Variants in NAV2 observed in about 807,000 individuals in gnomAD.
NAV2 encodes neuron navigator 2.
NAV2 carries 54 observed loss-of-function variants against 223.2 expected under a neutral mutation model. That is an observed-to-expected ratio of 0.24 (90% CI 0.19 to 0.30). NAV2 has a LOEUF of 0.30. Ranked by LOEUF, NAV2 falls within the 10% of genes least tolerant of loss-of-function variation. NAV2 has a pLI of 1.00. For synonymous variants in NAV2, 1,279 were observed against 1,239.3 expected (o/e 1.03, Z -0.67); for missense variants, 2,806 against 3,147.5 (o/e 0.89, Z 2.60).
intron 1 of NAV2, among the ~76,000 whole-genome samples, chr11:19,432,169 G>T (rs1369730185): frequency 1.4e-5 from 2 of 146,632 alleles, no homozygotes; most frequent in African/African-American, 5.1e-5. Context: ...CTGCACTCCA[G>T]CCTGGGCAAC....
At chr11:19,873,941 A>C (rs1565472510) in intron 4 of NAV2, among the ~76,000 whole-genome samples, 1 of 152,228 alleles carries the variant, frequency 6.6e-6, no homozygotes, top group Non-Finnish European at 1.5e-5. Flanking sequence ...CAGAATCCAC[A>C]GTCCTTAATC....
intron 1 of NAV2, among the ~76,000 whole-genome samples, chr11:19,766,381 G>C (rs2055225795): frequency 6.6e-6 from 1 of 152,190 alleles, no homozygotes; most frequent in Non-Finnish European, 1.5e-5. Flanking sequence ...GGGTAGAGGA[G>C]AGCTTAGCCA....
intron 1 of NAV2, among the ~76,000 whole-genome samples, chr11:19,828,945 T>G (rs1316944001): frequency 1.3e-5 from 2 of 152,254 alleles, no homozygotes; most frequent in Non-Finnish European, 2.9e-5. Context: ...CTGATACTTG[T>G]GTGGCCTCAC....
At chr11:20,068,480 G>C in intron 22 of NAV2, 82 bp downstream of exon 22, 1 of 1,007,562 alleles carries the variant, frequency 9.9e-7, no homozygotes, top group Admixed American at 1.7e-5. Flanking sequence ...CTCCTGTGCT[G>C]AACAAATAGA....
chr11:19,443,953 C>A (rs10833112), intron 1 of NAV2, among the ~76,000 whole-genome samples: 2 of 151,864 alleles, frequency 1.3e-5, no homozygotes, highest in African/African-American at 4.8e-5. Flanking sequence ...TTTTTTGAGA[C>A]GGAGTCTTGT....
In NAV2 at chr11:20,048,607, G is replaced by T; in HGVS notation, c.3903-121G>T. Reference sequence around the variant, plus strand: ...TGAAGTACCGTTAGCCATTTCAGTAGGAATGGCTGTGCTTCCTTCCCCAGG... The same window carrying T: ...TGAAGTACCGTTAGCCATTTCAGTATGAATGGCTGTGCTTCCTTCCCCAGG... On this transcript the variant is annotated intron_variant, in intron 14 of 37. Coordinates refer to ENST00000349880, the MANE Select transcript of NAV2 (RefSeq NM_145117.5). The T allele has an allele frequency of 7.4e-6, 6 of 812,238 alleles. 1 individual carries two copies. In the South Asian group the frequency reaches 8.6e-5, roughly 12 times the overall value. The allele number at this position is 812,238 out of a possible 1,614,324, so 50.3% of individuals were successfully genotyped here.
chr11:19,431,960 G>A (rs1851051259), intron 1 of NAV2, among the ~76,000 whole-genome samples: 1 of 152,116 alleles, frequency 6.6e-6, no homozygotes, highest in Non-Finnish European at 1.5e-5. Flanking sequence ...CACTTTGGGA[G>A]GCCAAGGCTG....
At chr11:19,681,641 C>A (rs1458049485) in intron 1 of NAV2, among the ~76,000 whole-genome samples, 1 of 152,174 alleles carries the variant, frequency 6.6e-6, no homozygotes, top group East Asian at 1.9e-4. Context: ...TCCTCCACAC[C>A]AATAGCCTGC....
chr11:19,805,069 T>G (rs1393802523), intron 1 of NAV2, among the ~76,000 whole-genome samples: 1 of 152,142 alleles, frequency 6.6e-6, no homozygotes, highest in Non-Finnish European at 1.5e-5. Context: ...GTTCTGTAGG[T>G]GCTTGGGAAT....
intron 6 of NAV2, among the ~76,000 whole-genome samples, chr11:19,918,826 C>A (rs967396458): frequency 6.6e-6 from 1 of 152,174 alleles, no homozygotes; most frequent in Admixed American, 6.5e-5. Flanking sequence ...TCCCACTTGC[C>A]CTCGGACTGA....
chr11:19,368,296 T>C (rs1848357967), intron 1 of NAV2, among the ~76,000 whole-genome samples: 1 of 152,170 alleles, frequency 6.6e-6, no homozygotes, highest in Non-Finnish European at 1.5e-5. Context: ...TTTGAAGTCC[T>C]TAGAATAGTG....
chr11:19,703,857 G>A (rs566345026), intron 1 of NAV2, among the ~76,000 whole-genome samples: 3 of 152,204 alleles, frequency 2.0e-5, no homozygotes, highest in Admixed American at 6.5e-5. Flanking sequence ...TGATTTCATT[G>A]GTCCAGGGTG....
intron 1 of NAV2, among the ~76,000 whole-genome samples, chr11:19,551,021 C>T (rs1288654541): frequency 6.6e-6 from 1 of 152,262 alleles, no homozygotes; most frequent in Non-Finnish European, 1.5e-5. Flanking sequence ...AGCACACTGC[C>T]TATGCAGTAG....
intron 19 of NAV2, among the ~76,000 whole-genome samples, chr11:20,059,352 G>A (rs916908288): frequency 4.6e-5 from 7 of 152,244 alleles, no homozygotes; most frequent in East Asian, 3.9e-4. Context: ...GTTGATTAAC[G>A]GTGGAAACTC....
chr11:20,021,530 A>G (rs1170957473), intron 11 of NAV2, among the ~76,000 whole-genome samples: 1 of 152,204 alleles, frequency 6.6e-6, no homozygotes, highest in East Asian at 1.9e-4. Flanking sequence ...CAGATTCTCA[A>G]AGAAGTAATA....
chr11:19,588,423 C>T (rs1297811999), intron 1 of NAV2, among the ~76,000 whole-genome samples: 1 of 152,196 alleles, frequency 6.6e-6, no homozygotes, highest in African/African-American at 2.4e-5. Context: ...GCTTGTGAGC[C>T]AACCCACTTG....
chr11:19,686,601 A>G (rs1193153646), intron 1 of NAV2, among the ~76,000 whole-genome samples: 1 of 152,166 alleles, frequency 6.6e-6, no homozygotes, highest in Admixed American at 6.5e-5. Context: ...ATAAGTTCAC[A>G]TTGTCTGGTG....
intron 1 of NAV2, among the ~76,000 whole-genome samples, chr11:19,501,050 G>A (rs1247183009): frequency 2.0e-5 from 3 of 152,066 alleles, no homozygotes; most frequent in African/African-American, 7.2e-5. Flanking sequence ...AGCTCCTAGG[G>A]GGTGCCCACA....
chr11:19,395,752 T>G (rs1274288350), intron 1 of NAV2, among the ~76,000 whole-genome samples: 1 of 152,186 alleles, frequency 6.6e-6, no homozygotes, highest in Non-Finnish European at 1.5e-5. Flanking sequence ...TCTTCCCGCC[T>G]CCCTTCCTCA....
Sources: allele counts gnomAD v4.1 joint callset (sites outside exome capture counted in the v4.1 genomes callset), GRCh38; gene constraint gnomAD v4.1.1; transcripts MANE v1.5; gene names NCBI Gene and HGNC (gene_info 2026-07-23, HGNC 2026-07-21).